The following TENM3 variants were observed in gnomAD, a reference collection of about 807,000 sequenced individuals.
TENM3 encodes teneurin-3.
Under a neutral mutation model 255.1 loss-of-function variants are expected in TENM3, and 63 were observed. The ratio of observed to expected loss-of-function variants is 0.25; its 90% CI spans 0.20 to 0.30. The LOEUF is 0.30. Among genes scored for constraint, TENM3 ranks in the 10% least tolerant of loss-of-function variants. The pLI, the probability that TENM3 is intolerant of heterozygous loss-of-function variation, is 1.00. For missense variants in TENM3, 2,929 were observed against 3,461.1 expected, an observed-to-expected ratio of 0.85 and a Z score of 3.86; for synonymous variants, 1,306 against 1,322.3, an observed-to-expected ratio of 0.99 and a Z score of 0.27.
intron 4 of TENM3, 113 bp downstream of exon 4, chr4:182,601,274 T>C: frequency 1.2e-6 from 1 of 847,644 alleles, no homozygotes; most frequent in Non-Finnish European, 1.8e-6. Flanking sequence ...TGTTGTGTTT[T>C]CTTTTTTCTT....
chr4:182,681,476 G>T (rs1332657342), intron 10 of TENM3, among the ~76,000 whole-genome samples: 1 of 152,156 alleles, frequency 6.6e-6, no homozygotes, highest in Non-Finnish European at 1.5e-5. Flanking sequence ...TCAGTACTCA[G>T]TGGTCACAGA....
intron 3 of TENM3, among the ~76,000 whole-genome samples, chr4:182,548,508 TC>T (rs2151919744): frequency 6.6e-6 from 1 of 152,148 alleles, no homozygotes; most frequent in African/African-American, 2.4e-5. Context: ...GAGGAACACT[TC>T]CATGACCCCA....
chr4:181,644,581 C>T, the TENM3 span, among the ~76,000 whole-genome samples: 3,690 of 152,278 alleles, frequency 0.024, 69 homozygotes, highest in Admixed American at 0.064. Context: ...CACCTTCTGC[C>T]TGCCTCACCA....
At chr4:182,000,942 C>A in the TENM3 span, among the ~76,000 whole-genome samples, 1 of 150,402 alleles carries the variant, frequency 6.6e-6, no homozygotes. Flanking sequence ...AAAGAGCAAT[C>A]TCAGGAATGT....
At chr4:181,799,467 T>TTATTCAAGCCACATAC in the TENM3 span, among the ~76,000 whole-genome samples, 1 of 152,236 alleles carries the variant, frequency 6.6e-6, no homozygotes, top group East Asian at 1.9e-4. Context: ...TGCCAACAAA[T>TTATTCAAGCCACATAC]TATTCAAGCC....
At chr4:182,757,459 G>T (rs1762828355) in intron 22 of TENM3, among the ~76,000 whole-genome samples, 1 of 151,550 alleles carries the variant, frequency 6.6e-6, no homozygotes, top group South Asian at 2.1e-4. Context: ...GGCCATTTTT[G>T]AATATGTCCT....
chr4:181,522,734 T>A, the TENM3 span: 3 of 700,582 alleles, frequency 4.3e-6, no homozygotes, highest in Non-Finnish European at 8.1e-6. Context: ...AATCCTTGTT[T>A]CATTCTTCTA....
At chr4:181,667,169 TG>T in the TENM3 span, among the ~76,000 whole-genome samples, 1 of 152,150 alleles carries the variant, frequency 6.6e-6, no homozygotes, top group Non-Finnish European at 1.5e-5. Flanking sequence ...CTACACAAAA[TG>T]CTCCTCATTG....
chr4:182,776,155 G>A (rs1764678162), intron 24 of TENM3, among the ~76,000 whole-genome samples: 1 of 152,190 alleles, frequency 6.6e-6, no homozygotes, highest in African/African-American at 2.4e-5. Context: ...GTTCACGCCT[G>A]TAATCCCAAC....
chr4:182,355,493 T>C (rs1362841354), intron 3 of TENM3, among the ~76,000 whole-genome samples: 4 of 152,312 alleles, frequency 2.6e-5, no homozygotes, highest in African/African-American at 9.6e-5. Context: ...CCTGGGGACA[T>C]GGCCCTGTTC....
chr4:182,264,462 G>A (rs781259571), intron 1 of TENM3, among the ~76,000 whole-genome samples: 55 of 152,168 alleles, frequency 3.6e-4, no homozygotes, highest in Admixed American at 9.8e-4. Flanking sequence ...TCATGTCATA[G>A]TTATCTCTAA....
At chr4:181,785,815 T>TACACACATAC in the TENM3 span, among the ~76,000 whole-genome samples, 2 of 149,232 alleles carry the variant, frequency 1.3e-5, no homozygotes, top group East Asian at 4.0e-4. Context: ...CACACACACA[T>TACACACATAC]ACACACACAC....
At chr4:182,284,091 G>A (rs887997109) in intron 1 of TENM3, among the ~76,000 whole-genome samples, 7 of 152,038 alleles carry the variant, frequency 4.6e-5, no homozygotes, top group African/African-American at 1.4e-4. Flanking sequence ...CAAAGTCTAC[G>A]TTTATAAGAC....
chr4:181,467,222 C>T, the TENM3 span, among the ~76,000 whole-genome samples: 6 of 146,740 alleles, frequency 4.1e-5, no homozygotes, highest in Non-Finnish European at 7.4e-5. Flanking sequence ...CTCCGCCTCC[C>T]ATGTTTAAGC....
intron 3 of TENM3, among the ~76,000 whole-genome samples, chr4:182,575,222 A>G (rs1357350103): frequency 6.6e-6 from 1 of 152,230 alleles, no homozygotes; most frequent in Non-Finnish European, 1.5e-5. Context: ...ATTGGGAGAA[A>G]CTAGGTAAAA....
chr4:182,487,322 G>A (rs926076312), intron 3 of TENM3, among the ~76,000 whole-genome samples: 3 of 152,122 alleles, frequency 2.0e-5, no homozygotes, highest in African/African-American at 7.2e-5. Flanking sequence ...TTGTGTACTT[G>A]TCTCTTTATC....
intron 3 of TENM3, among the ~76,000 whole-genome samples, chr4:182,384,885 C>G (rs934218186): frequency 3.3e-5 from 5 of 152,046 alleles, no homozygotes; most frequent in South Asian, 2.1e-4. Context: ...AGTATTAAGT[C>G]TGGAAGCTGA....
intron 3 of TENM3, chr4:182,449,188 C>CGGCGGTGGCGGTGGCGGTGGT (rs1773227741): frequency 2.1e-5 from 2 of 95,484 alleles, no homozygotes; most frequent in Non-Finnish European, 3.9e-5. Flanking sequence ...CCGGGGACCG[C>CGGCGGTGGCGGTGGCGGTGGT]GGCGGTGGCG....
At chr4:182,070,801 G>A in the TENM3 span, among the ~76,000 whole-genome samples, 1 of 152,204 alleles carries the variant, frequency 6.6e-6, no homozygotes, top group African/African-American at 2.4e-5. Context: ...GACTCAGGCT[G>A]TAGACAGAGG....
Sources: gnomAD v4.1 joint callset for allele counts (sites outside exome capture counted in the v4.1 genomes callset) on GRCh38, gnomAD v4.1.1 for gene constraint, MANE v1.5 for transcripts, NCBI Gene and HGNC (gene_info 2026-07-23, HGNC 2026-07-21) for gene names.